ABI3BP: variants seen among roughly 807,000 people sequenced by gnomAD.
ABI3BP encodes ABI family member 3 binding protein, also known as target of Nesh-SH3.
A neutral mutation model predicts 268.6 loss-of-function variants in ABI3BP; 216 were observed. The ratio of observed to expected loss-of-function variants is 0.80; its 90% confidence interval spans 0.72 to 0.90. The LOEUF (loss-of-function observed/expected upper bound fraction) is 0.90, where lower values mean the gene tolerates loss of function less well. ABI3BP is among the 40% of genes least tolerant of loss of function. The probability of loss-of-function intolerance (pLI) is 0.00; values close to 1 mark genes in which losing one functional copy is unlikely to be tolerated. For missense variants in ABI3BP, 2,090 were observed against 2,182.4 expected, an observed-to-expected ratio of 0.96 and a Z score of 0.84; for synonymous variants, 730 against 730.0, an observed-to-expected ratio of 1.00 and a Z score of 0.00.
intron 49 of ABI3BP, among the ~76,000 whole-genome samples, chr3:100,809,965 G>A (rs1294730496): frequency 6.6e-6 from 1 of 152,002 alleles, no homozygotes; most frequent in African/African-American, 2.4e-5. Context: ...ACTACAAGGT[G>A]ACTGGCCAGT....
chr3:100,977,934 G>T (rs983379330), intron 1 of ABI3BP, among the ~76,000 whole-genome samples: 13 of 152,086 alleles, frequency 8.5e-5, no homozygotes, highest in Admixed American at 2.6e-4. Flanking sequence ...TATGCATATG[G>T]TAGTAATTCT....
intron 63 of ABI3BP, among the ~76,000 whole-genome samples, chr3:100,760,689 A>G (rs2095887398): frequency 6.6e-6 from 1 of 152,166 alleles, no homozygotes; most frequent in African/African-American, 2.4e-5. Context: ...GCAGTGGTGT[A>G]AGACTTATTA....
chr3:100,965,335 C>A (rs1278705102), intron 1 of ABI3BP, among the ~76,000 whole-genome samples: 1 of 152,110 alleles, frequency 6.6e-6, no homozygotes, highest in Non-Finnish European at 1.5e-5. Context: ...GCCATTCAAA[C>A]CATTAAACAT....
chr3:100,950,920 A>G (rs2074689876), intron 1 of ABI3BP, among the ~76,000 whole-genome samples: 1 of 151,900 alleles, frequency 6.6e-6, no homozygotes, highest in African/African-American at 2.4e-5. Flanking sequence ...AGGGAACATT[A>G]CATTAATCCC....
chr3:100,939,086 C>A (rs897086175), intron 1 of ABI3BP, among the ~76,000 whole-genome samples: 6 of 152,080 alleles, frequency 3.9e-5, no homozygotes, highest in Non-Finnish European at 8.8e-5. Flanking sequence ...TATCCTGGCT[C>A]TCTGGACCTC....
intron 2 of ABI3BP, among the ~76,000 whole-genome samples, chr3:100,904,818 G>A (rs535756283): frequency 1.3e-5 from 2 of 152,286 alleles, no homozygotes; most frequent in Non-Finnish European, 2.9e-5. Flanking sequence ...TGGTGGGACT[G>A]TAAACTAGTT....
At chr3:100,820,338 C>G in intron 39 of ABI3BP, 35 bp from the exon 40 acceptor site, 4 of 1,495,056 alleles carry the variant, frequency 2.7e-6, no homozygotes, top group Non-Finnish European at 3.6e-6. Context: ...CTACAGAGTC[C>G]GTAGCTCCGA....
chr3:100,798,467 G>T (rs9824346), intron 51 of ABI3BP, among the ~76,000 whole-genome samples: 1 of 151,746 alleles, frequency 6.6e-6, no homozygotes, highest in African/African-American at 2.4e-5. Flanking sequence ...TCCCTAAAAC[G>T]TACATCTTTC....
intron 63 of ABI3BP, among the ~76,000 whole-genome samples, chr3:100,757,560 G>A (rs9859523): frequency 0.041 from 6,181 of 152,226 alleles, 374 homozygotes; most frequent in African/African-American, 0.13. Context: ...TAAAACATGT[G>A]AGGACTCAAA....
At chr3:100,837,088 A>G (rs1177326335) in intron 27 of ABI3BP, 36 bp downstream of exon 27, 2 of 1,506,614 alleles carry the variant, frequency 1.3e-6, no homozygotes, top group African/African-American at 2.8e-5. Context: ...GCAAGCTCAG[A>G]GAAACATTGG....
chr3:100,827,794 C>T (rs1255150624), intron 34 of ABI3BP, among the ~76,000 whole-genome samples: 6 of 151,852 alleles, frequency 4.0e-5, no homozygotes, highest in Admixed American at 2.0e-4. Flanking sequence ...TAGAGTGCCC[C>T]GCCTGGATTA....
chr3:100,763,314 G>C (rs1024834453), intron 63 of ABI3BP, among the ~76,000 whole-genome samples: 1 of 151,700 alleles, frequency 6.6e-6, no homozygotes, highest in Non-Finnish European at 1.5e-5. Context: ...TACAAAAAAA[G>C]TAGCCGGGTG....
chr3:100,749,381 A>AAAAAT lies in ABI3BP; in HGVS notation c.*1109_*1113dup, dbSNP rs1207826737. 3 of 316,890 alleles carry AAAAAT rather than the reference A, an allele frequency of 9.5e-6. No homozygotes were observed. The highest frequency in any genetic ancestry group is 9.4e-5 in the East Asian group (2 of 21,232). The allele number at this position is 316,890 out of a possible 1,614,324, so 19.6% of individuals were successfully genotyped here. The stretch of plus-strand genomic sequence containing the variant: ...TTATTGCAGAATTTATACTTGTTTG[A>AAAAAT]AAAATACAAAATGTAGCGTTGATAA... On this transcript the variant is annotated 3_prime_UTR_variant, in exon 68 of 68. Transcript: ENST00000471714.
intron 1 of ABI3BP, among the ~76,000 whole-genome samples, chr3:100,957,531 G>C (rs772743220): frequency 6.6e-6 from 1 of 152,072 alleles, no homozygotes; most frequent in Non-Finnish European, 1.5e-5. Context: ...GTATTTAGAC[G>C]GTATTTAAAG....
chr3:100,987,214 T>A (rs1576481644), intron 1 of ABI3BP, among the ~76,000 whole-genome samples: 1 of 152,194 alleles, frequency 6.6e-6, no homozygotes, highest in African/African-American at 2.4e-5. Context: ...ATAGAGTGAT[T>A]GGTCCCATCT....
At chr3:100,762,054 T>C (rs547995912) in intron 63 of ABI3BP, among the ~76,000 whole-genome samples, 9 of 152,332 alleles carry the variant, frequency 5.9e-5, no homozygotes, top group African/African-American at 1.9e-4. Flanking sequence ...GCCATACACT[T>C]TGATTCCAAA....
intron 28 of ABI3BP, 53 bp downstream of exon 28, chr3:100,835,548 G>C: frequency 1.5e-6 from 2 of 1,359,798 alleles, no homozygotes; most frequent in Non-Finnish European, 2.0e-6. Context: ...TGATGGAATA[G>C]ACTAGACAAT....
Position 100,749,889 on chromosome 3 carries a change from A to C in ABI3BP, c.*606T>G, listed in dbSNP as rs1052952974. ...ATTCAATCTTTTTAAGAATTTGTGG[A>C]TGTTTAAAGGAAATGTATATTAGCA... is the stretch of plus-strand genomic sequence containing the variant. On this transcript the variant is annotated 3_prime_UTR_variant, in exon 68 of 68. Coordinates refer to ENST00000471714, the MANE Select transcript of ABI3BP (RefSeq NM_001375547.2). 6 of 395,200 alleles carry C rather than the reference A, an allele frequency of 1.5e-5. No homozygotes were observed. Among genetic ancestry groups the C allele is most frequent in the African/African-American group, 1.2e-4 (6 of 48,552 alleles). 24.5% of individuals were successfully genotyped at this position (395,200 alleles called of 1,614,324 possible). A position where few individuals can be genotyped will look rare whatever the true frequency, so the allele number is the denominator to read the frequency against.
At chr3:100,915,506 G>A (rs1021258331) in intron 2 of ABI3BP, among the ~76,000 whole-genome samples, 4 of 152,156 alleles carry the variant, frequency 2.6e-5, no homozygotes, top group African/African-American at 9.7e-5. Flanking sequence ...GAATAGGGAT[G>A]GGAAGTAGAA....
Sources: gnomAD v4.1 joint callset for allele counts (sites outside exome capture counted in the v4.1 genomes callset) on GRCh38, gnomAD v4.1.1 for gene constraint, MANE v1.5 for transcripts, NCBI Gene and HGNC (gene_info 2026-07-23, HGNC 2026-07-21) for gene names.